Variants in PPIL6 observed in about 807,000 individuals in gnomAD.
PPIL6 encodes probable inactive peptidyl-prolyl cis-trans isomerase-like 6.
Under a neutral mutation model 36.8 loss-of-function variants are expected in PPIL6, and 39 were observed. That is an observed-to-expected ratio of 1.06 (90% CI 0.82 to 1.38). PPIL6 has a LOEUF of 1.38. PPIL6 is among the 40% of genes most tolerant of loss of function. PPIL6 has a pLI of 0.00. For missense variants in PPIL6, 368 were observed against 379.1 expected, an observed-to-expected ratio of 0.97 and a Z score of 0.24; for synonymous variants, 123 against 134.1, an observed-to-expected ratio of 0.92 and a Z score of 0.57.
At chr6:109,440,919 G>T (rs1460349604), upstream of PPIL6, 4 of 582,170 alleles carry the variant, frequency 6.9e-6, no homozygotes, top group South Asian at 2.2e-5. Context: ...TTGGCGGCCC[G>T]CCTGATTGGG....
upstream of PPIL6, chr6:109,441,008 G>C: frequency 9.3e-7 from 1 of 1,073,956 alleles, no homozygotes; most frequent in Non-Finnish European, 1.4e-6. Flanking sequence ...ACCTGTGCGC[G>C]CCGCCTGCGA....
chr6:109,405,434 T>C (rs1267419747), intron 6 of PPIL6, among the ~76,000 whole-genome samples: 1 of 152,204 alleles, frequency 6.6e-6, no homozygotes, highest in African/African-American at 2.4e-5. Context: ...ATTTATCTAT[T>C]ACTAATGAAC....
chr6:109,407,380 C>A (rs1772844436), intron 6 of PPIL6, among the ~76,000 whole-genome samples: 1 of 152,048 alleles, frequency 6.6e-6, no homozygotes, highest in Admixed American at 6.5e-5. Context: ...TCTGGGACTA[C>A]AGGCGCCCGC....
intron 5 of PPIL6, among the ~76,000 whole-genome samples, chr6:109,419,749 A>G (rs1219870315): frequency 6.6e-6 from 1 of 152,168 alleles, no homozygotes; most frequent in Admixed American, 6.6e-5. Context: ...AGAATGCAAT[A>G]TGATTCCACT....
chr6:109,425,201 C>T (rs1334765137), intron 5 of PPIL6, among the ~76,000 whole-genome samples: 1 of 152,164 alleles, frequency 6.6e-6, no homozygotes, highest in Admixed American at 6.5e-5. Context: ...AGAGGCTAAG[C>T]AGCTTATCAA....
chr6:109,398,460 G>T (rs1277146198), intron 7 of PPIL6, among the ~76,000 whole-genome samples: 1 of 152,200 alleles, frequency 6.6e-6, no homozygotes, highest in African/African-American at 2.4e-5. Flanking sequence ...TATGGAGTGG[G>T]TGGAATAAAT....
chr6:109,434,957 G>T (rs1360532737), intron 2 of PPIL6, among the ~76,000 whole-genome samples: 1 of 152,160 alleles, frequency 6.6e-6, no homozygotes, highest in East Asian at 1.9e-4. Context: ...CTAAGGTGTG[G>T]AGTTCTCTGA....
rs1031086237 is a variant in PPIL6 at position 109,391,668 on chromosome 6, G to A, written c.*1158C>T. On this transcript the variant is annotated 3_prime_UTR_variant, in exon 8 of 8. Coordinates refer to ENST00000521072, the MANE Select transcript of PPIL6 (RefSeq NM_173672.5). ...ATTTTAAAAGCTCCCCAGGTGATAT[G>A]AGCTTGAGAACTTTAGATTACAGAG... is the stretch of plus-strand genomic sequence containing the variant. 1 of 152,190 alleles carries A rather than the reference G, an allele frequency of 6.6e-6. No individual in the cohort carries two copies. Among genetic ancestry groups the A allele is most frequent in the Non-Finnish European group, 1.5e-5 (1 of 68,038 alleles). The allele number at this position is 152,190 out of a possible 1,614,324, so 9.4% of individuals were successfully genotyped here. A position where few individuals can be genotyped will look rare whatever the true frequency, so the allele number is the denominator to read the frequency against.
In PPIL6 at chr6:109,431,379, G is replaced by C. The variant is rs75127203; in HGVS notation, c.232-34C>G. On this transcript the variant is annotated intron_variant, in intron 2 of 7. Transcript: ENST00000521072. ...GAAAAGGACAAAAAAAAAAAAAAAC[G>C]TAAGAAGTGGGGGGAAAACTTGCTA... 4 of 1,088,620 alleles carry C rather than the reference G, an allele frequency of 3.7e-6. No individual in the cohort carries two copies. The African/African-American group carries it at 5.9e-5, about 16-fold the overall frequency. 67.4% of individuals were successfully genotyped at this position (1,088,620 alleles called of 1,614,324 possible).
chr6:109,433,003 T>A (rs940046123), intron 2 of PPIL6, among the ~76,000 whole-genome samples: 2 of 152,280 alleles, frequency 1.3e-5, no homozygotes, highest in African/African-American at 4.8e-5. Context: ...TGGTCGATAC[T>A]TCCTGGAGTG....
chr6:109,440,223 C>G (rs746960814), intron 1 of PPIL6: 20 of 614,930 alleles, frequency 3.3e-5, no homozygotes, highest in Non-Finnish European at 3.0e-5. Context: ...TCGCTCAGTT[C>G]TCCCTTTAAA....
At chr6:109,431,461 T>C (rs1206588120) in intron 2 of PPIL6, 116 bp from the exon 3 acceptor site, 2 of 558,586 alleles carry the variant, frequency 3.6e-6, no homozygotes, top group East Asian at 3.1e-5. Flanking sequence ...AACTCTAGTA[T>C]TGAATCTTTT....
At chr6:109,397,483 C>T (rs1042522510) in intron 7 of PPIL6, among the ~76,000 whole-genome samples, 1 of 152,168 alleles carries the variant, frequency 6.6e-6, no homozygotes, top group African/African-American at 2.4e-5. Context: ...GCTATTTGAC[C>T]TTGTTTTCAT....
chr6:109,430,387 T>C, intron 3 of PPIL6, among the ~76,000 whole-genome samples: 1 of 151,744 alleles, frequency 6.6e-6, no homozygotes, highest in South Asian at 2.1e-4. Flanking sequence ...ACCTCCCCAC[T>C]GGCACAGCCT....
chr6:109,403,461 C>A (rs1772647490), intron 6 of PPIL6, among the ~76,000 whole-genome samples: 1 of 152,128 alleles, frequency 6.6e-6, no homozygotes, highest in Non-Finnish European at 1.5e-5. Flanking sequence ...TAGGTTTAAA[C>A]AGAGTGAAAG....
chr6:109,423,938 T>C (rs1232080664), intron 5 of PPIL6, among the ~76,000 whole-genome samples: 2 of 152,204 alleles, frequency 1.3e-5, no homozygotes, highest in Admixed American at 1.3e-4. Context: ...TCAAGCACTG[T>C]TGTAGTACGT....
intron 1 of PPIL6, 101 bp downstream of exon 1, chr6:109,440,355 T>C (rs2115308396): frequency 7.1e-7 from 1 of 1,409,036 alleles, no homozygotes; most frequent in Non-Finnish European, 9.6e-7. Context: ...CGGTGGGGCC[T>C]CGACCCCCGC....
intron 6 of PPIL6, among the ~76,000 whole-genome samples, chr6:109,411,312 A>G (rs908739579): frequency 6.6e-6 from 1 of 152,174 alleles, no homozygotes. Context: ...TAGAATCCTT[A>G]GCCACCAACA....
intron 4 of PPIL6, 44 bp from the exon 5 acceptor site, chr6:109,427,038 A>G: frequency 6.3e-7 from 1 of 1,595,026 alleles, no homozygotes; most frequent in Non-Finnish European, 8.6e-7. Context: ...AATATTTAAC[A>G]CTCCAACAGT....
Sources: allele counts gnomAD v4.1 joint callset (sites outside exome capture counted in the v4.1 genomes callset), GRCh38; gene constraint gnomAD v4.1.1; transcripts MANE v1.5; gene names NCBI Gene and HGNC (gene_info 2026-07-23, HGNC 2026-07-21).